The following PTPRN2 variants were observed in gnomAD, a reference collection of about 807,000 sequenced individuals.
The protein encoded by PTPRN2 is protein tyrosine phosphatase receptor type N2.
PTPRN2 carries 74 observed loss-of-function variants against 118.8 expected under a neutral mutation model. The ratio of observed to expected loss-of-function variants is 0.62; its 90% CI spans 0.52 to 0.76. The LOEUF (loss-of-function observed/expected upper bound fraction) is 0.76, where lower values mean the gene tolerates loss of function less well. PTPRN2 is among the 30% of genes least tolerant of loss of function. The pLI, the probability that PTPRN2 is intolerant of heterozygous loss-of-function variation, is 0.00. For synonymous variants in PTPRN2, 641 were observed against 608.0 expected, an observed-to-expected ratio of 1.05 and a Z score of -0.80; for missense variants, 1,481 against 1,394.4, an observed-to-expected ratio of 1.06 and a Z score of -0.99.
chr7:157,942,519 A>C (rs567167519), intron 11 of PTPRN2, among the ~76,000 whole-genome samples: 3 of 152,038 alleles, frequency 2.0e-5, no homozygotes, highest in Non-Finnish European at 4.4e-5. Context: ...GAAGTATGCA[A>C]ATGAGTTCTT....
At chr7:158,178,574 T>TAC (rs1357215072) in intron 5 of PTPRN2, among the ~76,000 whole-genome samples, 1 of 148,954 alleles carries the variant, frequency 6.7e-6, no homozygotes. Context: ...TGTATATATA[T>TAC]ACTACATTTT....
chr7:158,458,693 G>A (rs1157373633), intron 2 of PTPRN2, among the ~76,000 whole-genome samples: 1 of 152,154 alleles, frequency 6.6e-6, no homozygotes, highest in East Asian at 1.9e-4. Context: ...TATTTACTGA[G>A]TAGATTTGGG....
chr7:157,559,426 G>T (rs1799067912), intron 21 of PTPRN2, among the ~76,000 whole-genome samples: 1 of 152,234 alleles, frequency 6.6e-6, no homozygotes, highest in African/African-American at 2.4e-5. Context: ...GAACACACTG[G>T]CGGGGGCTGG....
At chr7:157,879,705 G>A (rs1796006485) in intron 12 of PTPRN2, among the ~76,000 whole-genome samples, 1 of 152,006 alleles carries the variant, frequency 6.6e-6, no homozygotes, top group Non-Finnish European at 1.5e-5. Context: ...TTGTCTAAGA[G>A]GCCCATGCCA....
At chr7:157,569,016 C>A (rs372046530) in intron 20 of PTPRN2, 50 bp from the exon 21 acceptor site, 2 of 1,487,238 alleles carry the variant, frequency 1.3e-6, no homozygotes. Context: ...CACGGAAGCC[C>A]GACCCACAAC....
rs540537787 is a variant in PTPRN2, at chr7:157,587,655, C to G, written c.2496+7583G>C. 6.6e-6 allele frequency among the ~76,000 whole-genome samples: 1 copy of G among 152,262 alleles called. No homozygotes were observed. The highest frequency in any genetic ancestry group is 1.5e-5 in the Non-Finnish European group (1 of 68,050). On this transcript the variant is annotated intron_variant, in intron 17 of 22. Transcript: ENST00000389418. The surrounding 1 kb of genome is among the most constrained non-coding windows in gnomAD (Gnocchi z 5.3). ...TGTGCAATAAGAGTCAACACACATC[C>G]GATGCCAGTGGGACACCTGCTGACT... is the stretch of plus-strand genomic sequence containing the variant.
intron 19 of PTPRN2, chr7:157,574,551 C>T (rs575317507): frequency 3.4e-6 from 1 of 292,324 alleles, no homozygotes; most frequent in Non-Finnish European, 7.9e-6. Flanking sequence ...TAAAGCAAAG[C>T]CCTCACATGT....
chr7:157,768,185 T>C lies in PTPRN2; in HGVS notation c.1789-85248A>G, dbSNP rs1802594943. Among the ~76,000 whole-genome samples, 3 of 152,326 alleles carry C rather than the reference T, an allele frequency of 2.0e-5. 1 individual carries two copies. In the South Asian group the frequency reaches 6.2e-4, roughly 32 times the overall value. On this transcript the variant is annotated intron_variant, in intron 12 of 22. Coordinates refer to ENST00000389418, the MANE Select transcript of PTPRN2 (RefSeq NM_002847.5). ...ATTTCACTAACAAGACTGCAACCTATATTTGTGGCTATGAATTCCCCAGAT... is the reference window on the plus strand; with the variant it reads ...ATTTCACTAACAAGACTGCAACCTACATTTGTGGCTATGAATTCCCCAGAT...
chr7:157,816,542 T>G (rs1425409031), intron 12 of PTPRN2, among the ~76,000 whole-genome samples: 6 of 152,222 alleles, frequency 3.9e-5, no homozygotes, highest in Admixed American at 1.3e-4. Context: ...GTTAAGTTGT[T>G]AAGATTTCGG....
rs1407816563 is a variant in PTPRN2, at chr7:157,591,029, A to G, written c.2496+4209T>C. 1.3e-5 allele frequency among the ~76,000 whole-genome samples: 2 copies of G among 152,160 alleles called. No homozygotes were observed. Among genetic ancestry groups the G allele is most frequent in the Non-Finnish European group, 2.9e-5 (2 of 68,034 alleles). ...TTATTTGGAAATAGGGTCTTTGCATATGTGGTCAAGTTAAGGTGAGGTCAC... is the reference window on the plus strand; with the variant it reads ...TTATTTGGAAATAGGGTCTTTGCATGTGTGGTCAAGTTAAGGTGAGGTCAC... On this transcript the variant is annotated intron_variant, in intron 17 of 22. Transcript: ENST00000389418. The surrounding 1 kb of genome is among the most constrained non-coding windows in gnomAD (Gnocchi z 4.4).
chr7:158,390,188 G>T (rs1385332580), intron 2 of PTPRN2, among the ~76,000 whole-genome samples: 1 of 152,150 alleles, frequency 6.6e-6, no homozygotes, highest in Non-Finnish European at 1.5e-5. Context: ...GAACTCAGAG[G>T]CGCCGTCGCC....
intron 14 of PTPRN2, among the ~76,000 whole-genome samples, chr7:157,633,340 A>C (rs1323370179): frequency 6.6e-6 from 1 of 152,164 alleles, no homozygotes; most frequent in African/African-American, 2.4e-5. Context: ...ACAGGGTTTT[A>C]CCATGTTGGC....
intron 5 of PTPRN2, among the ~76,000 whole-genome samples, chr7:158,173,362 A>C (rs6974608): frequency 0.62 from 93,729 of 152,072 alleles, 30,109 homozygotes; most frequent in East Asian, 0.79. Flanking sequence ...TTCAGGGGTA[A>C]CATCACATAT....
intron 20 of PTPRN2, among the ~76,000 whole-genome samples, chr7:157,570,602 C>T (rs952186167): frequency 1.1e-4 from 16 of 152,200 alleles, no homozygotes; most frequent in African/African-American, 3.9e-4. Context: ...GTTGAGTTTT[C>T]TTTGCGTAAA....
intron 6 of PTPRN2, among the ~76,000 whole-genome samples, chr7:158,163,613 G>A (rs767223729): frequency 2.7e-5 from 4 of 149,450 alleles, no homozygotes; most frequent in Admixed American, 6.7e-5. Flanking sequence ...GCGCCTGTAC[G>A]GGGTTCTCAA....
intron 21 of PTPRN2, 48 bp from the exon 22 acceptor site, chr7:157,549,067 A>G: frequency 3.9e-6 from 6 of 1,551,012 alleles, no homozygotes; most frequent in Non-Finnish European, 4.5e-6. Flanking sequence ...AAGATAATCC[A>G]TGCCACATCT....
At chr7:157,660,318 T>C (rs1321148685) in intron 13 of PTPRN2, among the ~76,000 whole-genome samples, 1 of 152,090 alleles carries the variant, frequency 6.6e-6, no homozygotes, top group Non-Finnish European at 1.5e-5. Context: ...TTGCCACCCA[T>C]GGGAGAGCTA....
intron 2 of PTPRN2, among the ~76,000 whole-genome samples, chr7:158,400,766 A>G (rs10232923): frequency 0.069 from 10,534 of 152,110 alleles, 729 homozygotes; most frequent in African/African-American, 0.18. Flanking sequence ...GCCTCTCTGG[A>G]GTGCAGGCAT....
At chr7:157,877,601 C>T (rs1209904958) in intron 12 of PTPRN2, among the ~76,000 whole-genome samples, 4 of 152,144 alleles carry the variant, frequency 2.6e-5, no homozygotes, top group Non-Finnish European at 4.4e-5. Flanking sequence ...CCGTGCACCC[C>T]GCCCACGTCA....
Sources: gnomAD v4.1 joint callset for allele counts (sites outside exome capture counted in the v4.1 genomes callset) on GRCh38, gnomAD v4.1.1 for gene constraint, Gnocchi (gnomAD v3.1) non-coding constraint, MANE v1.5 for transcripts, NCBI Gene and HGNC (gene_info 2026-07-23, HGNC 2026-07-21) for gene names.